The following SMAD5 variants were observed in gnomAD, a reference collection of about 807,000 sequenced individuals.
The protein encoded by SMAD5 is MAD, mothers against decapentaplegic homolog 5.
A neutral mutation model predicts 43.1 loss-of-function variants in SMAD5; 9 were observed. The ratio of observed to expected loss-of-function variants is 0.21; its 90% CI spans 0.13 to 0.36. SMAD5 has a LOEUF of 0.36. Ranked by LOEUF, SMAD5 falls within the 10% of genes least tolerant of loss-of-function variation. The pLI is 1.00. For synonymous variants in SMAD5, 190 were observed against 192.4 expected, an observed-to-expected ratio of 0.99 and a Z score of 0.10; for missense variants, 348 against 574.0, an observed-to-expected ratio of 0.61 and a Z score of 4.02.
intron 4 of SMAD5, 147 bp downstream of exon 4, chr5:136,161,254 C>A: frequency 1.3e-6 from 1 of 763,138 alleles, no homozygotes; most frequent in Non-Finnish European, 2.1e-6. Context: ...TGTTTGATTT[C>A]CAGAAGAGTT....
chr5:136,161,131 C>CAA lies in SMAD5; in HGVS notation c.655+36_655+37dup, dbSNP rs11437885. Reference sequence around the variant, plus strand: ...AGGTAAGACTTTATTTTATTGATACCAAAAAAAAAAAAATTCCTAAGAATC... The same window carrying CAA: ...AGGTAAGACTTTATTTTATTGATACCAAAAAAAAAAAAAAATTCCTAAGAATC... On this transcript the variant is annotated intron_variant, in intron 4 of 7. Transcript: ENST00000545279. 5.5e-3 allele frequency: 7,732 copies of CAA among 1,412,520 alleles called. 22 individuals are homozygous for CAA. Among genetic ancestry groups the CAA allele is most frequent in the African/African-American group, 0.04 (2,701 of 68,340 alleles). The allele number at this position is 1,412,520 out of a possible 1,614,324, so 87.5% of individuals were successfully genotyped here. A position where few individuals can be genotyped will look rare whatever the true frequency, so the allele number is the denominator to read the frequency against.
chr5:136,138,099 T>A lies in SMAD5; in HGVS notation c.-245+5137T>A, dbSNP rs147066733. The stretch of plus-strand genomic sequence containing the variant: ...TAGCAATGTAGGAAATCTTGCAGGC[T>A]CTGTGGGGGTGAGTGATACATTTAG... On this transcript the variant is annotated intron_variant, in intron 1 of 7. Coordinates refer to ENST00000545279, the MANE Select transcript of SMAD5 (RefSeq NM_005903.7). Among the ~76,000 whole-genome samples the A allele has an allele frequency of 5.3e-3, 804 of 152,302 alleles. 9 individuals carry two copies. The highest frequency in any genetic ancestry group is 0.018 in the African/African-American group (762 of 41,570).
chr5:136,149,601 T>C (rs1210552474), intron 2 of SMAD5, among the ~76,000 whole-genome samples: 2 of 151,780 alleles, frequency 1.3e-5, no homozygotes, highest in African/African-American at 4.8e-5. Context: ...CATTTTCTCA[T>C]CCAGTGGCTA....
chr5:136,142,076 C>G (rs1012799010), intron 1 of SMAD5, among the ~76,000 whole-genome samples: 1 of 152,180 alleles, frequency 6.6e-6, no homozygotes, highest in Non-Finnish European at 1.5e-5. Context: ...CCCTTTCTTT[C>G]ATTAAACAAA....
At chr5:136,153,541 G>T (rs1300056080) in intron 2 of SMAD5, 51 bp from the exon 3 acceptor site, 7 of 419,566 alleles carry the variant, frequency 1.7e-5, no homozygotes, top group Non-Finnish European at 2.9e-5. Context: ...ATTTAAATTT[G>T]TATATATTGA....
In SMAD5 at chr5:136,174,635, G is replaced by A. The variant is rs191587279; in HGVS notation, c.1254+3G>A. 1.1e-4 allele frequency: 175 copies of A among 1,603,572 alleles called. 1 individual carries two copies. The Middle Eastern group carries it at 1.3e-3, about 12-fold the overall frequency. On this transcript the variant is annotated splice_donor_region_variant and intron_variant, in intron 7 of 7. Coordinates refer to ENST00000545279, the MANE Select transcript of SMAD5 (RefSeq NM_005903.7). Reference sequence around the variant, plus strand: ...CCATTCGGATGAGTTTTGTCAAGGTGAGTTGTGACCTCTAACATAATTTGA... The same window carrying A: ...CCATTCGGATGAGTTTTGTCAAGGTAAGTTGTGACCTCTAACATAATTTGA...
chr5:136,158,485 C>T (rs530956847), intron 3 of SMAD5, among the ~76,000 whole-genome samples: 10 of 152,184 alleles, frequency 6.6e-5, no homozygotes, highest in African/African-American at 9.6e-5. Flanking sequence ...TTTACTTTCT[C>T]TTAGGACACT....
chr5:136,141,483 A>T (rs1027751137), intron 1 of SMAD5, among the ~76,000 whole-genome samples: 1 of 152,084 alleles, frequency 6.6e-6, no homozygotes, highest in African/African-American at 2.4e-5. Flanking sequence ...CTGTGAAGGG[A>T]GATTCTGTCC....
Position 136,172,662 on chromosome 5 carries a change from T to G in SMAD5, c.997+7T>G. The G allele has an allele frequency of 6.5e-7, 1 of 1,531,884 alleles. No homozygotes were observed. Among genetic ancestry groups the G allele is most frequent in the Non-Finnish European group, 9.0e-7 (1 of 1,105,040 alleles). 94.9% of individuals were successfully genotyped at this position (1,531,884 alleles called of 1,614,324 possible). Reference sequence around the variant, plus strand: ...AGGCGACATATTGGAAAAGGTAATCTTGTCATTTTCCTACATTTAATCGAA... The same window carrying G: ...AGGCGACATATTGGAAAAGGTAATCGTGTCATTTTCCTACATTTAATCGAA... On this transcript the variant is annotated splice_region_variant and intron_variant, in intron 6 of 7. Transcript: ENST00000545279.
chr5:136,152,173 GC>G (rs1276054994), intron 2 of SMAD5, among the ~76,000 whole-genome samples: 2 of 152,112 alleles, frequency 1.3e-5, no homozygotes, highest in Non-Finnish European at 2.9e-5. Context: ...AGGCTGGATA[GC>G]TGCCAGTAGT....
intron 3 of SMAD5, among the ~76,000 whole-genome samples, chr5:136,160,150 T>A (rs1228523014): frequency 6.6e-6 from 1 of 152,230 alleles, no homozygotes; most frequent in Non-Finnish European, 1.5e-5. Flanking sequence ...TTGTTGTGTA[T>A]ATTTTCATTA....
intron 2 of SMAD5, among the ~76,000 whole-genome samples, chr5:136,151,780 A>G (rs6596290): frequency 0.36 from 54,203 of 151,774 alleles, 10,564 homozygotes; most frequent in African/African-American, 0.53. Context: ...AGGAAATGCT[A>G]TGTTCATGTC....
chr5:136,136,239 G>A lies in SMAD5; in HGVS notation c.-245+3277G>A, dbSNP rs149417270. On this transcript the variant is annotated intron_variant, in intron 1 of 7. Coordinates refer to ENST00000545279, the MANE Select transcript of SMAD5 (RefSeq NM_005903.7). ...GTCGCCCAATCTGGAGTCCAGTGGC[G>A]CAATCTTGGCTCACTGCAACCTCCG... 1.6e-3 allele frequency among the ~76,000 whole-genome samples: 248 copies of A among 152,262 alleles called. 2 individuals carry two copies. Among genetic ancestry groups the A allele is most frequent in the East Asian group, 9.8e-3 (51 of 5,184 alleles).
chr5:136,150,001 T>C (rs2149766087), intron 2 of SMAD5, among the ~76,000 whole-genome samples: 1 of 151,974 alleles, frequency 6.6e-6, no homozygotes, highest in Non-Finnish European at 1.5e-5. Context: ...CTTTAAACTC[T>C]CCCATATGTT....
intron 1 of SMAD5, among the ~76,000 whole-genome samples, chr5:136,137,185 G>A (rs1752913884): frequency 6.6e-6 from 1 of 151,296 alleles, no homozygotes; most frequent in Admixed American, 6.6e-5. Flanking sequence ...TTCTGTGTGT[G>A]CAATACTATA....
chr5:136,146,167 G>A (rs1753251999), intron 1 of SMAD5, among the ~76,000 whole-genome samples: 1 of 151,928 alleles, frequency 6.6e-6, no homozygotes, highest in African/African-American at 2.4e-5. Context: ...TATAAATAAG[G>A]CTATAAGTGT....
chr5:136,160,237 G>A lies in SMAD5; in HGVS notation c.404-619G>A, dbSNP rs184326148. ...ATTACCATATTCAATATGGAAAACC[G>A]TACTGAACAACGTAAAACATGAGAT... On this transcript the variant is annotated intron_variant, in intron 3 of 7. Coordinates refer to ENST00000545279, the MANE Select transcript of SMAD5 (RefSeq NM_005903.7). 1.5e-4 allele frequency among the ~76,000 whole-genome samples: 23 copies of A among 152,268 alleles called. No homozygotes were observed. In the East Asian group the frequency reaches 2.1e-3, roughly 14 times the overall value.
intron 2 of SMAD5, among the ~76,000 whole-genome samples, chr5:136,151,564 G>A (rs1419811290): frequency 2.0e-5 from 3 of 152,012 alleles, no homozygotes; most frequent in Admixed American, 2.0e-4. Context: ...AAATGAGTAA[G>A]GAGAAGCCAA....
intron 5 of SMAD5, among the ~76,000 whole-genome samples, chr5:136,164,346 T>G (rs1335289659): frequency 6.6e-6 from 1 of 152,220 alleles, no homozygotes; most frequent in African/African-American, 2.4e-5. Context: ...CAGTACCATT[T>G]TACATTCTCA....
Sources: gnomAD v4.1 joint callset for allele counts (sites outside exome capture counted in the v4.1 genomes callset) on GRCh38, gnomAD v4.1.1 for gene constraint, MANE v1.5 for transcripts, NCBI Gene and HGNC (gene_info 2026-07-23, HGNC 2026-07-21) for gene names.